TAF3: variants seen among roughly 807,000 people sequenced by gnomAD.
The protein encoded by TAF3 is TATA-box binding protein associated factor 3, also known as transcription initiation factor TFIID subunit 3.
Under a neutral mutation model 80.6 loss-of-function variants are expected in TAF3, and 7 were observed. The observed-to-expected ratio is 0.09, with a 90% CI of 0.05 to 0.16. The LOEUF is 0.16. Ranked by LOEUF, TAF3 falls within the 10% of genes least tolerant of loss-of-function variation. The pLI is 1.00. For synonymous variants in TAF3, 444 were observed against 446.1 expected (o/e 1.00, Z 0.06); for missense variants, 921 against 1,140.2 (o/e 0.81, Z 2.77).
chr10:7,956,005 A>G (rs1838131656), intron 2 of TAF3, among the ~76,000 whole-genome samples: 1 of 152,190 alleles, frequency 6.6e-6, no homozygotes, highest in Admixed American at 6.5e-5. Context: ...TGATGCTTTT[A>G]GGGTAAAGGA....
At chr10:7,827,976 A>C (rs1044861125) in intron 2 of TAF3, among the ~76,000 whole-genome samples, 1 of 152,120 alleles carries the variant, frequency 6.6e-6, no homozygotes, top group African/African-American at 2.4e-5. Context: ...AACACATGAC[A>C]GCGAATATTA....
intron 2 of TAF3, among the ~76,000 whole-genome samples, chr10:7,933,455 T>G (rs1452751378): frequency 2.6e-5 from 4 of 152,166 alleles, no homozygotes. Context: ...GACACTTCAC[T>G]TGGGCTATTG....
rs1330249254 is a variant in TAF3, at chr10:7,850,042, A to G, written c.409+25482A>G. Among the ~76,000 whole-genome samples the G allele has an allele frequency of 4.9e-5, 7 of 143,770 alleles. 1 individual carries two copies. The highest frequency in any genetic ancestry group is 1.0e-4 in the African/African-American group (4 of 38,626). The allele number at this position is 143,770 out of a possible 152,430, so 94.3% of individuals were successfully genotyped here. On this transcript the variant is annotated intron_variant, in intron 2 of 6. Transcript: ENST00000344293. Reference sequence around the variant, plus strand: ...TATTTGTTAAAAATTGTTGGGATTCATTGAGTGAGAAGTTTACAGGCTTTG... The same window carrying G: ...TATTTGTTAAAAATTGTTGGGATTCGTTGAGTGAGAAGTTTACAGGCTTTG...
Position 8,007,609 on chromosome 10 carries a change from T to TAC in TAF3, c.2316-1468_2316-1467dup, listed in dbSNP as rs1832009299. Among the ~76,000 whole-genome samples the TAC allele has an allele frequency of 7.7e-5, 6 of 78,192 alleles. 1 individual carries two copies. The highest frequency in any genetic ancestry group is 1.3e-4 in the Non-Finnish European group (5 of 38,334). 51.3% of individuals were successfully genotyped at this position (78,192 alleles called of 152,430 possible). On this transcript the variant is annotated intron_variant, in intron 4 of 6. Coordinates refer to ENST00000344293, the MANE Select transcript of TAF3 (RefSeq NM_031923.4). ...ATATATATATATATATATATATATA[T>TAC]ACCTTTTTTTTTTAATAAAGAAGCT... is the stretch of plus-strand genomic sequence containing the variant.
chr10:7,951,250 A>G (rs980817556), intron 2 of TAF3, among the ~76,000 whole-genome samples: 1 of 152,204 alleles, frequency 6.6e-6, no homozygotes, highest in African/African-American at 2.4e-5. Context: ...GCCACCCCCA[A>G]ACTTTAGCAG....
At chr10:7,849,093 C>G (rs1837001053) in intron 2 of TAF3, among the ~76,000 whole-genome samples, 1 of 152,190 alleles carries the variant, frequency 6.6e-6, no homozygotes, top group Admixed American at 6.5e-5. Context: ...ACAACACTTA[C>G]ATGTTTCCTT....
At chr10:7,923,850 G>A (rs924602905) in intron 2 of TAF3, among the ~76,000 whole-genome samples, 1 of 152,112 alleles carries the variant, frequency 6.6e-6, no homozygotes, top group Non-Finnish European at 1.5e-5. Flanking sequence ...AGAAAGCAAG[G>A]CAAGATATCT....
chr10:7,825,210 G>A (rs1836728257), intron 2 of TAF3, among the ~76,000 whole-genome samples: 1 of 152,090 alleles, frequency 6.6e-6, no homozygotes, highest in African/African-American at 2.4e-5. Flanking sequence ...ACAAGTACAC[G>A]ATATTTTTTC....
chr10:7,869,055 G>C (rs1342589126), intron 2 of TAF3, among the ~76,000 whole-genome samples: 1 of 151,994 alleles, frequency 6.6e-6, no homozygotes, highest in Non-Finnish European at 1.5e-5. Flanking sequence ...ATACATCGTA[G>C]AACAATTCCC....
intron 2 of TAF3, 86 bp downstream of exon 2, chr10:7,824,646 T>G: frequency 6.8e-7 from 1 of 1,465,756 alleles, no homozygotes; most frequent in Non-Finnish European, 9.2e-7. Context: ...GTCAACTTTA[T>G]AAATTCTGGA....
At chr10:7,937,444 A>G (rs1837931803) in intron 2 of TAF3, among the ~76,000 whole-genome samples, 1 of 152,204 alleles carries the variant, frequency 6.6e-6, no homozygotes. Context: ...AATGTGGAAC[A>G]TCTTTTCATC....
intron 2 of TAF3, among the ~76,000 whole-genome samples, chr10:7,864,840 T>C (rs890064311): frequency 5.9e-5 from 9 of 152,068 alleles, no homozygotes; most frequent in Non-Finnish European, 1.5e-5. Context: ...TTTTCCTTTT[T>C]ATGTTTTGTA....
chr10:7,900,308 T>C (rs1014250558), intron 2 of TAF3, among the ~76,000 whole-genome samples: 3 of 152,258 alleles, frequency 2.0e-5, no homozygotes, highest in Non-Finnish European at 2.9e-5. Context: ...CAATTATTGA[T>C]AAATTATACT....
chr10:7,868,509 C>T (rs553010873), intron 2 of TAF3, among the ~76,000 whole-genome samples: 3 of 152,318 alleles, frequency 2.0e-5, no homozygotes, highest in African/African-American at 7.2e-5. Flanking sequence ...TAGTGACCAT[C>T]AGGAGTGGAG....
intron 2 of TAF3, among the ~76,000 whole-genome samples, chr10:7,944,093 T>TGTGTGTG (rs1838001019): frequency 2.2e-5 from 3 of 137,094 alleles, no homozygotes; most frequent in African/African-American, 8.3e-5. Context: ...ATGTTCATGC[T>TGTGTGTG]TGTGTGTGTG....
At chr10:7,845,409 C>T (rs1836960314) in intron 2 of TAF3, among the ~76,000 whole-genome samples, 1 of 152,094 alleles carries the variant, frequency 6.6e-6, no homozygotes, top group Non-Finnish European at 1.5e-5. Flanking sequence ...AAGTCACTTA[C>T]TATATGCTAG....
At chr10:7,895,562 G>A (rs1012955574) in intron 2 of TAF3, among the ~76,000 whole-genome samples, 2 of 152,126 alleles carry the variant, frequency 1.3e-5, no homozygotes, top group African/African-American at 4.8e-5. Context: ...AAGACTTTTG[G>A]TCATAAGTAT....
intron 2 of TAF3, among the ~76,000 whole-genome samples, chr10:7,873,483 A>G (rs1389226475): frequency 6.6e-6 from 1 of 152,252 alleles, no homozygotes; most frequent in Non-Finnish European, 1.5e-5. Flanking sequence ...AAAAACATTT[A>G]GGAATATCTT....
chr10:7,964,582 C>A lies in TAF3; in HGVS notation c.1072C>A (p.Gln358Lys). The A allele has an allele frequency of 6.2e-7, 1 of 1,614,012 alleles. No individual in the cohort carries two copies. The stretch of plus-strand genomic sequence containing the variant: ...TGAAAAAATCAGTAAAGAGACTATC[C>A]AGGTAAAACAAATACAGACACCCCC... ...LSEKISKETIQVKQIQTPPDA... is the reference protein window; with the variant it reads ...LSEKISKETIKVKQIQTPPDA... Residue 358 changes from glutamine (Q) to lysine (K), a missense_variant, in exon 3 of 7, where the codon CAG becomes AAG. Gln to Lys is a moderately conservative substitution (Grantham distance 53, BLOSUM62 1). This residue lies in a region of TAF3 where 743 missense variants were observed against 821.0 expected (regional missense o/e 0.90). Coordinates refer to ENST00000344293, the MANE Select transcript of TAF3 (RefSeq NM_031923.4). This position sits in a 1 kb window ranked among gnomAD's most constrained non-coding sequence, Gnocchi z 4.1.
Sources: allele counts gnomAD v4.1 joint callset (sites outside exome capture counted in the v4.1 genomes callset), GRCh38; gene constraint gnomAD v4.1.1; regional missense constraint gnomAD v4.1.1; non-coding constraint Gnocchi (gnomAD v3.1); transcripts MANE v1.5; gene names NCBI Gene and HGNC (gene_info 2026-07-23, HGNC 2026-07-21).